The following C10orf90 variants were observed in gnomAD, a reference collection of about 807,000 sequenced individuals.
The protein encoded by C10orf90 is chromosome 10 open reading frame 90, also known as (E2-independent) E3 ubiquitin-conjugating enzyme FATS.
C10orf90 carries 56 observed loss-of-function variants against 62.5 expected under a neutral mutation model. The ratio of observed to expected loss-of-function variants is 0.90; its 90% CI spans 0.72 to 1.12. C10orf90 has a LOEUF of 1.12. Among genes scored for constraint, C10orf90 ranks in the 50% most tolerant of loss-of-function variants. The pLI, the probability that C10orf90 is intolerant of heterozygous loss-of-function variation, is 0.00. For missense variants in C10orf90, 970 were observed against 880.4 expected (o/e 1.10, Z -1.29); for synonymous variants, 386 against 340.4 (o/e 1.13, Z -1.47).
At chr10:126,431,974 T>G (rs1564787558) in intron 7 of C10orf90, among the ~76,000 whole-genome samples, 1 of 152,170 alleles carries the variant, frequency 6.6e-6, no homozygotes. Flanking sequence ...CAGCCCATGT[T>G]AGGTGCAAAA....
chr10:126,471,194 G>A (rs75737461), intron 4 of C10orf90, among the ~76,000 whole-genome samples: 2,449 of 152,072 alleles, frequency 0.016, 75 homozygotes, highest in African/African-American at 0.056. Flanking sequence ...ACTGGGAAAA[G>A]GAAGGAGAGA....
At chr10:126,429,975 G>A in intron 7 of C10orf90, 125 bp from the exon 8 acceptor site, 1 of 835,760 alleles carries the variant, frequency 1.2e-6, no homozygotes, top group Non-Finnish European at 2.0e-6. Context: ...CTGAGTCTAA[G>A]CAGAACTCAG....
chr10:126,572,971 C>G (rs1228310620), intron 2 of C10orf90, among the ~76,000 whole-genome samples: 3 of 152,054 alleles, frequency 2.0e-5, no homozygotes, highest in African/African-American at 7.2e-5. Context: ...ATGGAGTAGC[C>G]ATTCTTTATT....
intron 4 of C10orf90, among the ~76,000 whole-genome samples, chr10:126,487,731 A>T (rs1202455119): frequency 6.6e-6 from 1 of 152,198 alleles, no homozygotes; most frequent in East Asian, 1.9e-4. Context: ...GTAAAAATTG[A>T]TAAGATCTGC....
At chr10:126,561,396 T>C (rs932905479) in intron 2 of C10orf90, among the ~76,000 whole-genome samples, 5 of 152,086 alleles carry the variant, frequency 3.3e-5, no homozygotes, top group African/African-American at 1.2e-4. Flanking sequence ...TCCATGGAGA[T>C]GAAATTGCAA....
chr10:126,604,715 A>T (rs866125393), intron 2 of C10orf90, among the ~76,000 whole-genome samples: 14 of 152,348 alleles, frequency 9.2e-5, no homozygotes, highest in Middle Eastern at 3.4e-3. Flanking sequence ...AGAAACACAG[A>T]TGTCACTGAG....
chr10:126,471,972 A>G (rs887582321), intron 4 of C10orf90, among the ~76,000 whole-genome samples: 1 of 152,128 alleles, frequency 6.6e-6, no homozygotes, highest in African/African-American at 2.4e-5. Flanking sequence ...TTTCCTAATA[A>G]CAAGATTACT....
At chr10:126,491,703 G>A (rs1221489643) in intron 4 of C10orf90, among the ~76,000 whole-genome samples, 1 of 152,198 alleles carries the variant, frequency 6.6e-6, no homozygotes, top group Non-Finnish European at 1.5e-5. Context: ...AGAATTTCTA[G>A]AAGGAAACAA....
chr10:126,654,512 G>A (rs7907850), intron 1 of C10orf90, among the ~76,000 whole-genome samples: 150,083 of 152,330 alleles, frequency 0.99, 73,973 homozygotes, highest in East Asian at 1. Flanking sequence ...CCTTGGCTTA[G>A]GGGAATGTTG....
At chr10:126,632,253 G>A (rs1247932021) in intron 2 of C10orf90, among the ~76,000 whole-genome samples, 1 of 151,912 alleles carries the variant, frequency 6.6e-6, no homozygotes, top group Non-Finnish European at 1.5e-5. Flanking sequence ...GGGTGCTGGG[G>A]CTGCAGCAAG....
At chr10:126,546,321 C>T (rs1220872749) in intron 2 of C10orf90, among the ~76,000 whole-genome samples, 1 of 152,196 alleles carries the variant, frequency 6.6e-6, no homozygotes, top group East Asian at 1.9e-4. Flanking sequence ...AGGGTGGGGT[C>T]AGAGAAAGCC....
At chr10:126,564,389 T>C (rs1591101697) in intron 2 of C10orf90, among the ~76,000 whole-genome samples, 1 of 151,548 alleles carries the variant, frequency 6.6e-6, no homozygotes, top group South Asian at 2.1e-4. Context: ...GTGGGTGCCA[T>C]CCTCCTTCCA....
chr10:126,610,664 T>C (rs1005195091), intron 2 of C10orf90, among the ~76,000 whole-genome samples: 1 of 152,222 alleles, frequency 6.6e-6, no homozygotes, highest in African/African-American at 2.4e-5. Flanking sequence ...TAAATGAATA[T>C]TCATTATCAT....
At chr10:126,547,012 G>A (rs1864507723) in intron 2 of C10orf90, among the ~76,000 whole-genome samples, 1 of 152,196 alleles carries the variant, frequency 6.6e-6, no homozygotes, top group Non-Finnish European at 1.5e-5. Flanking sequence ...TGTAATCCCA[G>A]CTACTCAGGA....
chr10:126,531,644 A>G lies in C10orf90; in HGVS notation c.314-17705T>C, dbSNP rs1428350231. On this transcript the variant is annotated intron_variant, in intron 2 of 9. Transcript: ENST00000488181. ...CTTCACAAAAATTAACTTGAAAAAA[A>G]TCACAGACCTTGCTCTAACATTAAA... Among the ~76,000 whole-genome samples the G allele has an allele frequency of 2.0e-5, 3 of 152,244 alleles. No individual in the cohort carries two copies. The East Asian group carries it at 5.8e-4, about 29-fold the overall frequency.
chr10:126,653,313 G>A (rs139266061), intron 1 of C10orf90, among the ~76,000 whole-genome samples: 2 of 152,168 alleles, frequency 1.3e-5, no homozygotes, highest in Non-Finnish European at 2.9e-5. Context: ...AACTTCTTTC[G>A]ACTTTGGAGG....
At chr10:126,434,886 G>A (rs1857820127) in intron 7 of C10orf90, among the ~76,000 whole-genome samples, 1 of 152,180 alleles carries the variant, frequency 6.6e-6, no homozygotes, top group African/African-American at 2.4e-5. Flanking sequence ...TAGGCAATAG[G>A]AGAGTGGTCT....
At position 126,459,123 on chromosome 10, in the gene C10orf90, C is replaced by T. The variant is rs750247049; in HGVS notation, c.2105G>A (p.Arg702Gln). The change falls in exon 7 of 10, where the codon CGG becomes CAG. Residue 702 changes from arginine to glutamine, a missense_variant. Arg to Gln is a conservative substitution (Grantham distance 43). Coordinates refer to ENST00000488181, the MANE Select transcript of C10orf90 (RefSeq NM_001350921.2). ...CTGCTTCTGCCTCAGGTCCTCCTTC[C>T]GCTGGGCTTTCCTCTGCTGGACCAT... Reference protein sequence around the residue: ...EHMVQQRKAQRKEDLRQKQSL... With the variant: ...EHMVQQRKAQQKEDLRQKQSL... 37 of 1,614,024 alleles carry T rather than the reference C, an allele frequency of 2.3e-5. No homozygotes were observed. The highest frequency in any genetic ancestry group is 2.0e-4 in the East Asian group (9 of 44,888).
chr10:126,669,844 C>T (rs1162539807), intron 1 of C10orf90, among the ~76,000 whole-genome samples: 1 of 151,934 alleles, frequency 6.6e-6, no homozygotes, highest in Non-Finnish European at 1.5e-5. Context: ...TCCTACAAAA[C>T]GCAACAGGAA....
Sources: allele counts gnomAD v4.1 joint callset (sites outside exome capture counted in the v4.1 genomes callset), GRCh38; gene constraint gnomAD v4.1.1; transcripts MANE v1.5; gene names NCBI Gene and HGNC (gene_info 2026-07-23, HGNC 2026-07-21).